KCTD16: variants seen among roughly 807,000 people sequenced by gnomAD.
KCTD16 encodes potassium channel tetramerization domain containing 16.
In KCTD16, 13 loss-of-function variants were observed where a neutral mutation model predicts 33.2. That is an observed-to-expected ratio of 0.39 (90% confidence interval 0.25 to 0.62). The LOEUF (loss-of-function observed/expected upper bound fraction) is 0.62, where lower values mean the gene tolerates loss of function less well. KCTD16 is among the 20% of genes least tolerant of loss of function. The pLI is 0.50. For missense variants in KCTD16, 441 were observed against 525.1 expected (o/e 0.84, Z 1.57); for synonymous variants, 197 against 195.3 (o/e 1.01, Z -0.07).
chr5:144,388,769 T>C (rs1233779697), intron 3 of KCTD16, among the ~76,000 whole-genome samples: 2 of 152,168 alleles, frequency 1.3e-5, no homozygotes, highest in Non-Finnish European at 2.9e-5. Flanking sequence ...ATATTCTATA[T>C]CCATTCAACG....
At chr5:144,241,959 C>T (rs925754228) in intron 3 of KCTD16, among the ~76,000 whole-genome samples, 4 of 152,170 alleles carry the variant, frequency 2.6e-5, no homozygotes, top group African/African-American at 9.7e-5. Context: ...GAATTGAAGA[C>T]TCCCGTTCTG....
intron 3 of KCTD16, among the ~76,000 whole-genome samples, chr5:144,249,338 A>G (rs981804247): frequency 6.6e-6 from 1 of 152,060 alleles, no homozygotes; most frequent in African/African-American, 2.4e-5. Context: ...GCTCTTTTGT[A>G]ATCATTATAA....
chr5:144,442,711 C>T (rs558744196), intron 3 of KCTD16, among the ~76,000 whole-genome samples: 1 of 151,988 alleles, frequency 6.6e-6, no homozygotes, highest in Non-Finnish European at 1.5e-5. Flanking sequence ...TTTGACAACA[C>T]TCTTAGGTAT....
intron 3 of KCTD16, among the ~76,000 whole-genome samples, chr5:144,387,376 T>G (rs1752349139): frequency 6.6e-6 from 1 of 152,084 alleles, no homozygotes; most frequent in Non-Finnish European, 1.5e-5. Context: ...GCTCCTTTTT[T>G]GAGAAAAAAT....
intron 3 of KCTD16, among the ~76,000 whole-genome samples, chr5:144,377,118 T>C (rs906059342): frequency 3.3e-5 from 5 of 152,226 alleles, no homozygotes; most frequent in Non-Finnish European, 5.9e-5. Flanking sequence ...TCTGCAATTA[T>C]AGCTCTCCAA....
chr5:144,209,900 A>G (rs1008126372), intron 3 of KCTD16, among the ~76,000 whole-genome samples: 3 of 142,398 alleles, frequency 2.1e-5, no homozygotes, highest in African/African-American at 8.0e-5. Flanking sequence ...ATGTGTGTGT[A>G]TATATATGTA....
intron 3 of KCTD16, among the ~76,000 whole-genome samples, chr5:144,243,216 T>C (rs1420172775): frequency 6.6e-6 from 1 of 152,202 alleles, no homozygotes; most frequent in Non-Finnish European, 1.5e-5. Flanking sequence ...ATCTTGATTA[T>C]TACTTTTGAT....
chr5:144,288,237 C>G (rs138508187), intron 3 of KCTD16, among the ~76,000 whole-genome samples: 1 of 152,176 alleles, frequency 6.6e-6, no homozygotes, highest in South Asian at 2.1e-4. Flanking sequence ...GGCTTAAATT[C>G]TGATCGTGCC....
intron 3 of KCTD16, among the ~76,000 whole-genome samples, chr5:144,245,307 A>T (rs113118568): frequency 3.0e-4 from 46 of 152,206 alleles, no homozygotes; most frequent in African/African-American, 1.0e-3. Context: ...TTTTAATATA[A>T]GAGTGTATAA....
At chr5:144,187,004 G>A (rs1752740765) in intron 2 of KCTD16, among the ~76,000 whole-genome samples, 1 of 152,104 alleles carries the variant, frequency 6.6e-6, no homozygotes, top group Admixed American at 6.5e-5. Flanking sequence ...CTGGGGGAGA[G>A]AAACATGATT....
intron 3 of KCTD16, chr5:144,385,221 CA>C (rs2126934170): frequency 6.6e-6 from 1 of 152,194 alleles, no homozygotes; most frequent in African/African-American, 2.4e-5. Flanking sequence ...ATATAAGGCA[CA>C]AAAATTCAGA....
intron 3 of KCTD16, among the ~76,000 whole-genome samples, chr5:144,471,059 A>G (rs1203948734): frequency 6.6e-6 from 1 of 152,156 alleles, no homozygotes; most frequent in Non-Finnish European, 1.5e-5. Context: ...AGGTATCTGT[A>G]GTCCCTGCTA....
chr5:144,223,299 A>G (rs1345412977), intron 3 of KCTD16, among the ~76,000 whole-genome samples: 3 of 152,242 alleles, frequency 2.0e-5, no homozygotes, highest in Non-Finnish European at 4.4e-5. Flanking sequence ...TAATAAAAAT[A>G]ATATATGTAT....
intron 3 of KCTD16, among the ~76,000 whole-genome samples, chr5:144,427,187 T>C (rs980299209): frequency 7.9e-5 from 12 of 151,594 alleles, no homozygotes; most frequent in African/African-American, 2.7e-4. Context: ...TGGGAGAAAA[T>C]GTTTCAGGAT....
chr5:144,407,360 G>T (rs1014151313), intron 3 of KCTD16, among the ~76,000 whole-genome samples: 1 of 151,214 alleles, frequency 6.6e-6, no homozygotes, highest in African/African-American at 2.4e-5. Context: ...TTGGGGGTTT[G>T]AGTGACTGTA....
intron 3 of KCTD16, among the ~76,000 whole-genome samples, chr5:144,299,072 A>ATATTTTTTT (rs1491103244): frequency 3.5e-5 from 2 of 57,432 alleles, no homozygotes; most frequent in African/African-American, 1.6e-4. Context: ...ATATATATAT[A>ATATTTTTTT]TTTTTGTATA....
At chr5:144,464,716 C>G (rs1462474967) in intron 3 of KCTD16, among the ~76,000 whole-genome samples, 2 of 151,638 alleles carry the variant, frequency 1.3e-5, no homozygotes, top group East Asian at 1.9e-4. Flanking sequence ...TCCTCTTCTT[C>G]TTCTTCTTCC....
intron 3 of KCTD16, among the ~76,000 whole-genome samples, chr5:144,274,747 T>A (rs940121412): frequency 6.6e-6 from 1 of 152,178 alleles, no homozygotes; most frequent in African/African-American, 2.4e-5. Flanking sequence ...TCTTTTCTTA[T>A]AATGAACCCA....
chr5:144,326,712 G>C (rs1018781104), intron 3 of KCTD16, among the ~76,000 whole-genome samples: 3 of 150,718 alleles, frequency 2.0e-5, no homozygotes, highest in African/African-American at 7.4e-5. Context: ...AAAGAAAAGA[G>C]AAGAAAAAAA....
Sources: gnomAD v4.1 joint callset for allele counts (sites outside exome capture counted in the v4.1 genomes callset) on GRCh38, gnomAD v4.1.1 for gene constraint, MANE v1.5 for transcripts, NCBI Gene and HGNC (gene_info 2026-07-23, HGNC 2026-07-21) for gene names.